The following SLC68A1 variants were observed in gnomAD, a reference collection of about 807,000 sequenced individuals.
The protein encoded by SLC68A1 is solute carrier family 68 member 1.
the SLC68A1 span, chr10:102,472,851 C>T: frequency 1.2e-6 from 2 of 1,613,494 alleles, no homozygotes; most frequent in Non-Finnish European, 8.5e-7. Context: ...TGTCGGGTTG[C>T]AGGTCTTCCA....
At chr10:102,476,422 C>T in the SLC68A1 span, 2 of 749,596 alleles carry the variant, frequency 2.7e-6, no homozygotes, top group Non-Finnish European at 3.3e-6. Flanking sequence ...CCAGGCTGGT[C>T]TCGAACTCCT....
the SLC68A1 span, among the ~76,000 whole-genome samples, chr10:102,464,193 T>C: frequency 1.3e-5 from 2 of 152,292 alleles, no homozygotes; most frequent in African/African-American, 2.4e-5. Context: ...GGCTCTCGCC[T>C]GTGAGCCAGC....
the SLC68A1 span, chr10:102,471,054 T>G: frequency 9.3e-6 from 15 of 1,613,774 alleles, no homozygotes; most frequent in African/African-American, 9.3e-5. Context: ...ACACAGCTGC[T>G]GAGGCGGCGG....
chr10:102,475,856 A>T, the SLC68A1 span: 1 of 1,613,904 alleles, frequency 6.2e-7, no homozygotes, highest in Admixed American at 1.7e-5. Flanking sequence ...GCTGGTGCCC[A>T]TCACCTGTGC....
At chr10:102,473,302 G>A in the SLC68A1 span, among the ~76,000 whole-genome samples, 1 of 152,138 alleles carries the variant, frequency 6.6e-6, no homozygotes, top group East Asian at 1.9e-4. Flanking sequence ...GATGGGCCTG[G>A]GTGTGAGTCT....
the SLC68A1 span, among the ~76,000 whole-genome samples, chr10:102,470,273 G>T: frequency 6.6e-6 from 1 of 152,098 alleles, no homozygotes; most frequent in Non-Finnish European, 1.5e-5. Flanking sequence ...TGCCTGGCTC[G>T]GCAGGGGAAG....
At chr10:102,463,939 G>C in the SLC68A1 span, among the ~76,000 whole-genome samples, 2 of 152,214 alleles carry the variant, frequency 1.3e-5, no homozygotes. Flanking sequence ...TGGCAGACAA[G>C]AGGGGCTAGG....
the SLC68A1 span, among the ~76,000 whole-genome samples, chr10:102,464,893 T>A: frequency 2.4e-3 from 367 of 149,804 alleles, 1 homozygote; most frequent in Non-Finnish European, 4.0e-4. Flanking sequence ...CCGAGGCAGG[T>A]AAATCACTTG....
the SLC68A1 span, chr10:102,477,042 T>G: frequency 3.1e-4 from 309 of 985,534 alleles, no homozygotes; most frequent in South Asian, 2.4e-3. Flanking sequence ...TTCTTTTTCC[T>G]CAAGTCTGTG....
At chr10:102,473,402 T>C in the SLC68A1 span, among the ~76,000 whole-genome samples, 1 of 152,128 alleles carries the variant, frequency 6.6e-6, no homozygotes, top group African/African-American at 2.4e-5. Context: ...GGGATGATAA[T>C]AGTACTCACC....
chr10:102,473,746 G>A, the SLC68A1 span: 16 of 1,611,096 alleles, frequency 9.9e-6, no homozygotes, highest in Non-Finnish European at 1.3e-5. Flanking sequence ...TGCCAGGTAT[G>A]CCCCTGCCCA....
At chr10:102,473,073 G>T in the SLC68A1 span, 2 of 794,096 alleles carry the variant, frequency 2.5e-6, no homozygotes, top group East Asian at 2.5e-5. Flanking sequence ...TGATCCACCT[G>T]CCTCTGCCTC....
At chr10:102,465,574 G>A in the SLC68A1 span, among the ~76,000 whole-genome samples, 4 of 152,224 alleles carry the variant, frequency 2.6e-5, no homozygotes, top group African/African-American at 9.6e-5. Context: ...GGCTCAGGGA[G>A]AGGGAGTGAC....
the SLC68A1 span, chr10:102,476,796 G>A: frequency 2.9e-5 from 29 of 985,764 alleles, no homozygotes; most frequent in South Asian, 1.1e-3. Context: ...GGAGCTGGCC[G>A]CTGTGGTGGA....
chr10:102,471,106 T>C, the SLC68A1 span: 1 of 1,613,330 alleles, frequency 6.2e-7, no homozygotes, highest in Non-Finnish European at 8.5e-7. Context: ...CAGGCCTGGT[T>C]GTGGATAGCG....
the SLC68A1 span, chr10:102,468,738 C>T: frequency 3.2e-6 from 1 of 309,126 alleles, no homozygotes; most frequent in South Asian, 5.0e-5. Context: ...GGGTGTCTGC[C>T]GTCTCTTCCC....
chr10:102,469,399 G>T, the SLC68A1 span, among the ~76,000 whole-genome samples: 1 of 152,064 alleles, frequency 6.6e-6, no homozygotes, highest in Non-Finnish European at 1.5e-5. Context: ...TAGCTTTCCT[G>T]GCCACTGTCT....
chr10:102,476,054 T>G, the SLC68A1 span: 1 of 1,330,766 alleles, frequency 7.5e-7, no homozygotes, highest in East Asian at 2.9e-5. Context: ...TTTTTTTGGT[T>G]TTTTTTTTAA....
chr10:102,476,775 G>A, the SLC68A1 span: 22 of 986,040 alleles, frequency 2.2e-5, no homozygotes, highest in African/African-American at 2.8e-4. Context: ...AGCCCATCCC[G>A]CTGCCTGACT....
Sources: gnomAD v4.1 joint callset for allele counts (sites outside exome capture counted in the v4.1 genomes callset) on GRCh38, gnomAD v4.1.1 for gene constraint, MANE v1.5 for transcripts, NCBI Gene and HGNC (gene_info 2026-07-23, HGNC 2026-07-21) for gene names.